TMEM63C: variants seen among roughly 807,000 people sequenced by gnomAD.
The protein encoded by TMEM63C is transmembrane protein 63C, also known as osmosensitive cation channel TMEM63C.
In TMEM63C, 32 loss-of-function variants were observed where a neutral mutation model predicts 99.2. The observed-to-expected ratio is 0.32, with a 90% CI of 0.24 to 0.43. TMEM63C has a LOEUF of 0.43. TMEM63C is among the 20% of genes least tolerant of loss of function. The pLI, the probability that TMEM63C is intolerant of heterozygous loss-of-function variation, is 1.00. For synonymous variants in TMEM63C, 376 were observed against 397.9 expected, an observed-to-expected ratio of 0.94 and a Z score of 0.66; for missense variants, 826 against 1,053.0, an observed-to-expected ratio of 0.78 and a Z score of 2.98.
intron 1 of TMEM63C, among the ~76,000 whole-genome samples, chr14:77,204,926 A>G (rs1041808118): frequency 1.3e-5 from 2 of 152,196 alleles, no homozygotes; most frequent in Non-Finnish European, 2.9e-5. Flanking sequence ...TAGTACTAGA[A>G]ATCCACATTT....
chr14:77,231,734 G>A lies in TMEM63C; in HGVS notation c.493+4G>A. ...AACTATACTGGATCTGTTCTGGGTA[G>A]GCAAAGCTCAGCTGGCCCTGGGGCA... On this transcript the variant is annotated splice_donor_region_variant and intron_variant, in intron 7 of 23. Transcript: ENST00000298351. The A allele has an allele frequency of 6.4e-7, 1 of 1,551,490 alleles. No individual in the cohort carries two copies. The highest frequency in any genetic ancestry group is 8.7e-7 in the Non-Finnish European group (1 of 1,146,936).
At chr14:77,254,758 T>C (rs1889432311) in intron 23 of TMEM63C, among the ~76,000 whole-genome samples, 1 of 152,214 alleles carries the variant, frequency 6.6e-6, no homozygotes, top group Non-Finnish European at 1.5e-5. Context: ...GGATTTATTT[T>C]TTAAATCTTG....
rs72679190 is a variant in TMEM63C, at chr14:77,257,162, C to T, written c.*436C>T. 0.014 allele frequency: 2,480 copies of T among 172,046 alleles called. 39 individuals are homozygous for T. The highest frequency in any genetic ancestry group is 0.04 in the Middle Eastern group (14 of 350). 10.7% of individuals were successfully genotyped at this position (172,046 alleles called of 1,614,324 possible). A position where few individuals can be genotyped will look rare whatever the true frequency, so the allele number is the denominator to read the frequency against. On this transcript the variant is annotated 3_prime_UTR_variant, in exon 24 of 24. Coordinates refer to ENST00000298351, the MANE Select transcript of TMEM63C (RefSeq NM_020431.4). ...CTGCTGCTGCTCCTCCTCCCAGCCC[C>T]GGCCCATTCCTCCCCTGCAGTCTGA...
intron 6 of TMEM63C, among the ~76,000 whole-genome samples, chr14:77,227,358 C>CT (rs1255659310): frequency 3.3e-5 from 5 of 151,760 alleles, no homozygotes; most frequent in Admixed American, 6.6e-5. Context: ...TAGGTTGTGG[C>CT]CTAGTTAAGA....
At chr14:77,214,033 C>T (rs1427957709) in intron 2 of TMEM63C, among the ~76,000 whole-genome samples, 1 of 152,126 alleles carries the variant, frequency 6.6e-6, no homozygotes, top group Non-Finnish European at 1.5e-5. Flanking sequence ...GACTCCCAGG[C>T]CACCTCCTGT....
intron 6 of TMEM63C, among the ~76,000 whole-genome samples, chr14:77,226,245 C>T (rs915446708): frequency 1.3e-5 from 2 of 152,194 alleles, no homozygotes; most frequent in Non-Finnish European, 2.9e-5. Context: ...CCCTCCACCC[C>T]ACCCCTACCC....
intron 7 of TMEM63C, 81 bp from the exon 8 acceptor site, chr14:77,233,371 A>G: frequency 1.4e-6 from 2 of 1,456,750 alleles, no homozygotes; most frequent in South Asian, 2.4e-5. Flanking sequence ...GACCCCACGC[A>G]TTTGTCCAGG....
chr14:77,220,569 C>T (rs374093758), intron 5 of TMEM63C, among the ~76,000 whole-genome samples: 6 of 152,096 alleles, frequency 3.9e-5, no homozygotes, highest in Non-Finnish European at 8.8e-5. Context: ...GCCCTCCACC[C>T]GACTCATGCA....
At chr14:77,250,430 C>CTTTTTT (rs796757847) in intron 21 of TMEM63C, among the ~76,000 whole-genome samples, 2 of 140,894 alleles carry the variant, frequency 1.4e-5, no homozygotes, top group African/African-American at 5.3e-5. Context: ...TGTTTTCTTT[C>CTTTTTT]TTTTTTTTTT....
At chr14:77,194,039 G>A (rs1312651591) in intron 1 of TMEM63C, among the ~76,000 whole-genome samples, 1 of 152,150 alleles carries the variant, frequency 6.6e-6, no homozygotes, top group African/African-American at 2.4e-5. Flanking sequence ...ATTCATTACA[G>A]AGTATGATGC....
intron 5 of TMEM63C, among the ~76,000 whole-genome samples, chr14:77,224,928 G>A (rs1425012977): frequency 6.6e-6 from 1 of 151,990 alleles, no homozygotes; most frequent in Non-Finnish European, 1.5e-5. Flanking sequence ...TCAGCCTCTT[G>A]AGCTGCTGAG....
intron 1 of TMEM63C, among the ~76,000 whole-genome samples, chr14:77,197,952 G>A (rs1888239011): frequency 6.6e-6 from 1 of 152,238 alleles, no homozygotes; most frequent in Non-Finnish European, 1.5e-5. Context: ...GCCATAGCCT[G>A]GCCAGGAGCG....
intron 4 of TMEM63C, 66 bp from the exon 5 acceptor site, chr14:77,219,940 A>G: frequency 6.9e-7 from 1 of 1,459,532 alleles, no homozygotes; most frequent in Non-Finnish European, 9.4e-7. Context: ...GTGGGGAGGG[A>G]GCAGGGCAGG....
At chr14:77,186,776 G>GGTGTGT (rs750331360) in intron 1 of TMEM63C, among the ~76,000 whole-genome samples, 6,073 of 138,350 alleles carry the variant, frequency 0.044, 155 homozygotes, top group Non-Finnish European at 0.057. Flanking sequence ...GAACCAAAGG[G>GGTGTGT]GTGTGTGTGT....
intron 13 of TMEM63C, among the ~76,000 whole-genome samples, chr14:77,240,944 TTTC>T (rs1245353001): frequency 5.8e-5 from 3 of 51,726 alleles, no homozygotes; most frequent in Admixed American, 3.4e-4. Context: ...TTTTTTTTTT[TTTC>T]TTTTTTTTTT....
intron 1 of TMEM63C, among the ~76,000 whole-genome samples, chr14:77,212,902 A>AAGCTGCCCAACAGCTTG (rs1888515567): frequency 6.6e-6 from 1 of 152,216 alleles, no homozygotes; most frequent in Non-Finnish European, 1.5e-5. Context: ...CCTCCCAGGC[A>AAGCTGCCCAACAGCTTG]GAAGGGCCAC....
At chr14:77,244,510 C>A in intron 16 of TMEM63C, 55 bp downstream of exon 16, 1 of 1,399,860 alleles carries the variant, frequency 7.1e-7, no homozygotes. Context: ...TCTTCCCCTG[C>A]CCTGGCTTCC....
chr14:77,236,830 C>G lies in TMEM63C; in HGVS notation c.651+98C>G, dbSNP rs28710017. The G allele has an allele frequency of 0.011, 8,764 of 818,178 alleles. 444 individuals carry two copies. The African/African-American group carries it at 0.13, about 12-fold the overall frequency. 50.7% of individuals were successfully genotyped at this position (818,178 alleles called of 1,614,324 possible). A position where few individuals can be genotyped will look rare whatever the true frequency, so the allele number is the denominator to read the frequency against. On this transcript the variant is annotated intron_variant, in intron 9 of 23. Transcript: ENST00000298351. ...CCCTCAGAGAAGCCCTCAGAGGGTCCAGGGAGACTGTGATAGATGGGAGGG... is the reference window on the plus strand; with the variant it reads ...CCCTCAGAGAAGCCCTCAGAGGGTCGAGGGAGACTGTGATAGATGGGAGGG...
chr14:77,248,699 G>A (rs1889307064), intron 19 of TMEM63C, 68 bp from the exon 20 acceptor site: 2 of 1,536,636 alleles, frequency 1.3e-6, no homozygotes, highest in Admixed American at 1.7e-5. Context: ...AGGCTGATGA[G>A]GAGCCACAGA....
Sources: allele counts gnomAD v4.1 joint callset (sites outside exome capture counted in the v4.1 genomes callset), GRCh38; gene constraint gnomAD v4.1.1; transcripts MANE v1.5; gene names NCBI Gene and HGNC (gene_info 2026-07-23, HGNC 2026-07-21).